Variants in TRABD2B observed in about 807,000 individuals in gnomAD.
TRABD2B encodes the protein TraB domain containing 2B, also known as metalloprotease TIKI2.
A neutral mutation model predicts 40.1 loss-of-function variants in TRABD2B; 14 were observed. That is an observed-to-expected ratio of 0.35 (90% CI 0.23 to 0.55). TRABD2B has a LOEUF of 0.55. TRABD2B is among the 20% of genes least tolerant of loss of function. The probability of loss-of-function intolerance (pLI) is 0.90; values close to 1 mark genes in which losing one functional copy is unlikely to be tolerated. For missense variants in TRABD2B, 541 were observed against 648.6 expected, an observed-to-expected ratio of 0.83 and a Z score of 1.80; for synonymous variants, 263 against 277.0, an observed-to-expected ratio of 0.95 and a Z score of 0.50.
chr1:47,956,550 G>A (rs977104213), intron 2 of TRABD2B, among the ~76,000 whole-genome samples: 1 of 152,232 alleles, frequency 6.6e-6, no homozygotes, highest in Non-Finnish European at 1.5e-5. Flanking sequence ...AGCACACCAG[G>A]AGATTATATC....
chr1:47,777,148 C>T (rs1456767731), intron 5 of TRABD2B, among the ~76,000 whole-genome samples: 1 of 152,152 alleles, frequency 6.6e-6, no homozygotes, highest in African/African-American at 2.4e-5. Flanking sequence ...CTGCCTGCCT[C>T]CCCTGCCCTG....
chr1:47,938,225 C>G (rs1056429090), intron 2 of TRABD2B, among the ~76,000 whole-genome samples: 3 of 152,056 alleles, frequency 2.0e-5, no homozygotes, highest in African/African-American at 7.3e-5. Flanking sequence ...TACAGGTGAG[C>G]GGGGTTCAAC....
chr1:47,954,028 G>T (rs1305846089), intron 2 of TRABD2B, among the ~76,000 whole-genome samples: 5 of 152,184 alleles, frequency 3.3e-5, no homozygotes, highest in Admixed American at 3.3e-4. Flanking sequence ...TTTCTTGAGG[G>T]CCTACTATGT....
At chr1:47,799,992 A>T (rs1317546669) in intron 3 of TRABD2B, among the ~76,000 whole-genome samples, 1 of 147,256 alleles carries the variant, frequency 6.8e-6, no homozygotes, top group Non-Finnish European at 1.5e-5. Flanking sequence ...TGTGTCTAGC[A>T]TTTATAAACT....
rs545603624 is a variant in TRABD2B at position 47,875,170 on chromosome 1, A to G, written c.667-73551T>C. The stretch of plus-strand genomic sequence containing the variant: ...GCTAAGCCTTAGGTGTTAAAAGGAG[A>G]TCAGCCCCTCCCAGATAGGAAACAG... On this transcript the variant is annotated intron_variant, in intron 2 of 6. Transcript: ENST00000606738. Among the ~76,000 whole-genome samples the G allele has an allele frequency of 4.6e-5, 7 of 151,968 alleles. No individual in the cohort carries two copies. The East Asian group carries it at 1.2e-3, about 25-fold the overall frequency.
chr1:47,847,996 A>T (rs1053357630), intron 2 of TRABD2B, among the ~76,000 whole-genome samples: 1 of 152,138 alleles, frequency 6.6e-6, no homozygotes, highest in Non-Finnish European at 1.5e-5. Flanking sequence ...CCTGAGCTTG[A>T]GACAAACTCT....
intron 2 of TRABD2B, among the ~76,000 whole-genome samples, chr1:47,937,055 CATT>C (rs1291201547): frequency 2.6e-5 from 4 of 151,004 alleles, no homozygotes; most frequent in South Asian, 2.1e-4. Flanking sequence ...CCACCACCAT[CATT>C]ATCATCATTA....
chr1:47,805,441 C>T (rs1644878853), intron 2 of TRABD2B, among the ~76,000 whole-genome samples: 1 of 152,154 alleles, frequency 6.6e-6, no homozygotes, highest in African/African-American at 2.4e-5. Context: ...AGCCTATCAT[C>T]CTGATTCTCC....
At chr1:47,874,749 T>C (rs1322031153) in intron 2 of TRABD2B, among the ~76,000 whole-genome samples, 2 of 151,096 alleles carry the variant, frequency 1.3e-5, no homozygotes, top group South Asian at 2.1e-4. Context: ...TATATATATA[T>C]ACACGCACAC....
intron 2 of TRABD2B, among the ~76,000 whole-genome samples, chr1:47,914,493 T>A (rs1427565433): frequency 6.6e-6 from 1 of 152,130 alleles, no homozygotes; most frequent in Non-Finnish European, 1.5e-5. Context: ...GCTGCTGGAA[T>A]GAATGGAGTG....
intron 2 of TRABD2B, among the ~76,000 whole-genome samples, chr1:47,946,048 AC>A (rs1482889361): frequency 2.0e-5 from 3 of 152,132 alleles, no homozygotes; most frequent in African/African-American, 7.2e-5. Context: ...AATCTCATCA[AC>A]CCTTGCTATT....
At position 47,823,642 on chromosome 1, in the gene TRABD2B, C is replaced by T. The variant is rs375656297; in HGVS notation, c.667-22023G>A. ...TGGGGAGGAGAGAGGCACATCCTTGCTACAGACTGAGAATGGGGTGGTGAG... is the reference window on the plus strand; with the variant it reads ...TGGGGAGGAGAGAGGCACATCCTTGTTACAGACTGAGAATGGGGTGGTGAG... On this transcript the variant is annotated intron_variant, in intron 2 of 6. Coordinates refer to ENST00000606738, the MANE Select transcript of TRABD2B (RefSeq NM_001194986.2). 2.0e-4 allele frequency among the ~76,000 whole-genome samples: 30 copies of T among 152,256 alleles called. No homozygotes were observed. The East Asian group carries it at 5.4e-3, about 27-fold the overall frequency.
chr1:47,934,546 G>C (rs1180378050), intron 2 of TRABD2B, among the ~76,000 whole-genome samples: 1 of 152,212 alleles, frequency 6.6e-6, no homozygotes, highest in Non-Finnish European at 1.5e-5. Flanking sequence ...ATCTCCCCTC[G>C]CGTGAGCAGC....
chr1:47,997,043 C>T lies in TRABD2B; in HGVS notation c.-254G>A, dbSNP rs1646103727. 1 of 1,054,518 alleles carries T rather than the reference C, an allele frequency of 9.5e-7. No homozygotes were observed. The highest frequency in any genetic ancestry group is 1.1e-6 in the Non-Finnish European group (1 of 875,946). 65.3% of individuals were successfully genotyped at this position (1,054,518 alleles called of 1,614,324 possible). A position where few individuals can be genotyped will look rare whatever the true frequency, so the allele number is the denominator to read the frequency against. The stretch of plus-strand genomic sequence containing the variant: ...CGGGCGCTCAACCTCGCTGGCCGAG[C>T]CCCCGGGTGCTGAGGGCGTGTTGGG... On this transcript the variant is annotated 5_prime_UTR_variant, in exon 1 of 7. Transcript: ENST00000606738.
Position 47,773,302 on chromosome 1 carries a change from C to T in TRABD2B, c.1349+1868G>A, listed in dbSNP as rs1409411447. ...AAGTGGCTCTCAGTAACTCTATGCC[C>T]TCACTCCCGATTAGAAGGGGGAGGC... On this transcript the variant is annotated intron_variant, in intron 6 of 6. Coordinates refer to ENST00000606738, the MANE Select transcript of TRABD2B (RefSeq NM_001194986.2). Among the ~76,000 whole-genome samples the T allele has an allele frequency of 2.0e-5, 3 of 152,260 alleles. No individual in the cohort carries two copies. The East Asian group carries it at 5.8e-4, about 29-fold the overall frequency.
rs1309595834 is a variant in TRABD2B at position 47,763,022 on chromosome 1, AT to A, written c.*2879del. On this transcript the variant is annotated 3_prime_UTR_variant, in exon 7 of 7. Transcript: ENST00000606738. ...AGAAAAGTCTAAGAAGTGCACACAAATTTCTCAGAGCAACAGGAGCATTTTA... is the reference window on the plus strand; with the variant it reads ...AGAAAAGTCTAAGAAGTGCACACAAATTCTCAGAGCAACAGGAGCATTTTA... The A allele has an allele frequency of 6.6e-6, 1 of 152,194 alleles. No homozygotes were observed. The highest frequency in any genetic ancestry group is 1.5e-5 in the Non-Finnish European group (1 of 68,038). The allele number at this position is 152,194 out of a possible 1,614,324, so 9.4% of individuals were successfully genotyped here.
At chr1:47,811,043 A>C (rs1207607496) in intron 2 of TRABD2B, among the ~76,000 whole-genome samples, 1 of 152,144 alleles carries the variant, frequency 6.6e-6, no homozygotes, top group Non-Finnish European at 1.5e-5. Flanking sequence ...TTTCCAGCAC[A>C]AGGGAGAGAG....
intron 2 of TRABD2B, among the ~76,000 whole-genome samples, chr1:47,808,232 T>C (rs1644918006): frequency 6.6e-6 from 1 of 152,186 alleles, no homozygotes; most frequent in Non-Finnish European, 1.5e-5. Flanking sequence ...TCCCTGGATT[T>C]CCAGCCCGCT....
intron 2 of TRABD2B, among the ~76,000 whole-genome samples, chr1:47,924,606 G>A (rs1041052258): frequency 3.9e-5 from 6 of 152,132 alleles, no homozygotes; most frequent in African/African-American, 1.2e-4. Flanking sequence ...AGCTGTGGAG[G>A]GTGCCAACAG....
Sources: gnomAD v4.1 joint callset for allele counts (sites outside exome capture counted in the v4.1 genomes callset) on GRCh38, gnomAD v4.1.1 for gene constraint, MANE v1.5 for transcripts, NCBI Gene and HGNC (gene_info 2026-07-23, HGNC 2026-07-21) for gene names.